Variants in ATP8A2 observed in about 807,000 individuals in gnomAD.
The protein encoded by ATP8A2 is ATPase phospholipid transporting 8A2, also known as phospholipid-transporting ATPase IB.
ATP8A2 carries 100 observed loss-of-function variants against 165.6 expected under a neutral mutation model. The observed-to-expected ratio is 0.60, with a 90% CI of 0.51 to 0.71. The LOEUF is 0.71. Ranked by LOEUF, ATP8A2 falls within the 30% of genes least tolerant of loss-of-function variation. The probability of loss-of-function intolerance (pLI) is 0.00; values close to 1 mark genes in which losing one functional copy is unlikely to be tolerated. For synonymous variants in ATP8A2, 543 were observed against 548.8 expected, an observed-to-expected ratio of 0.99 and a Z score of 0.15; for missense variants, 1,227 against 1,479.5, an observed-to-expected ratio of 0.83 and a Z score of 2.80.
chr13:25,514,282 A>G (rs1018481813), intron 2 of ATP8A2, among the ~76,000 whole-genome samples: 1 of 152,186 alleles, frequency 6.6e-6, no homozygotes, highest in African/African-American at 2.4e-5. Context: ...GGATATTAGA[A>G]TTAGCATTAC....
intron 2 of ATP8A2, among the ~76,000 whole-genome samples, chr13:25,513,248 G>T (rs1003847759): frequency 2.1e-4 from 32 of 151,934 alleles, no homozygotes; most frequent in Non-Finnish European, 4.0e-4. Context: ...AGACGGGGCG[G>T]CTGGGCAGAG....
chr13:25,707,406 A>G (rs1341631716), intron 25 of ATP8A2, among the ~76,000 whole-genome samples: 3 of 152,228 alleles, frequency 2.0e-5, no homozygotes, highest in South Asian at 2.1e-4. Context: ...AAAGTTATAT[A>G]TCATCACTAT....
At position 25,862,295 on chromosome 13, in the gene ATP8A2, C is replaced by G; in HGVS notation, c.3076-6C>G. The stretch of plus-strand genomic sequence containing the variant: ...AGCCTGTCTGAGTGTCTATTTCCCT[C>G]TGCAGTTCAGTCATCTGGCTGTCTG... On this transcript the variant is annotated splice_polypyrimidine_tract_variant and splice_region_variant and intron_variant, in intron 32 of 36. Coordinates refer to ENST00000381655, the MANE Select transcript of ATP8A2 (RefSeq NM_016529.6). 1 of 1,612,058 alleles carries G rather than the reference C, an allele frequency of 6.2e-7. No homozygotes were observed. The highest frequency in any genetic ancestry group is 1.3e-5 in the African/African-American group (1 of 74,998).
intron 6 of ATP8A2, 49 bp downstream of exon 6, chr13:25,533,362 G>T (rs527929841): frequency 9.7e-7 from 1 of 1,034,874 alleles, no homozygotes; most frequent in Admixed American, 1.9e-5. Flanking sequence ...TTGAAGACGC[G>T]TAATGAATTG....
At chr13:25,513,712 C>T (rs1242643413) in intron 2 of ATP8A2, among the ~76,000 whole-genome samples, 2 of 152,138 alleles carry the variant, frequency 1.3e-5, no homozygotes, top group Non-Finnish European at 2.9e-5. Context: ...CCCGGCACCT[C>T]GGGAGGCCGA....
chr13:25,864,473 T>C (rs547961793), intron 33 of ATP8A2, among the ~76,000 whole-genome samples: 1 of 152,310 alleles, frequency 6.6e-6, no homozygotes, highest in African/African-American at 2.4e-5. Context: ...ACATTTTCAC[T>C]GTACCAGTCA....
chr13:25,440,816 G>A (rs2034912640), intron 1 of ATP8A2, among the ~76,000 whole-genome samples: 1 of 152,118 alleles, frequency 6.6e-6, no homozygotes, highest in Admixed American at 6.6e-5. Context: ...AGCAAACACA[G>A]CCTAGATGAT....
At chr13:25,642,021 A>G (rs1339794746) in intron 24 of ATP8A2, among the ~76,000 whole-genome samples, 1 of 152,206 alleles carries the variant, frequency 6.6e-6, no homozygotes, top group African/African-American at 2.4e-5. Flanking sequence ...TATTTAATAA[A>G]TGGCGCTGGG....
chr13:25,658,911 T>C (rs779492748), intron 24 of ATP8A2, among the ~76,000 whole-genome samples: 2 of 152,236 alleles, frequency 1.3e-5, no homozygotes, highest in African/African-American at 4.8e-5. Flanking sequence ...TACTGTAGTC[T>C]GCTCCTGGTG....
intron 2 of ATP8A2, among the ~76,000 whole-genome samples, chr13:25,500,694 C>G (rs964272389): frequency 6.6e-6 from 1 of 152,102 alleles, no homozygotes; most frequent in South Asian, 2.1e-4. Context: ...ATCCTCCCAC[C>G]TCAGCCTCCT....
intron 24 of ATP8A2, among the ~76,000 whole-genome samples, chr13:25,660,031 G>A (rs1180190571): frequency 6.6e-6 from 1 of 152,202 alleles, no homozygotes; most frequent in Non-Finnish European, 1.5e-5. Context: ...ATAGTACACA[G>A]TAAGAAAGGA....
At chr13:25,513,508 A>G (rs550540702) in intron 2 of ATP8A2, among the ~76,000 whole-genome samples, 14 of 151,680 alleles carry the variant, frequency 9.2e-5, no homozygotes, top group Admixed American at 2.6e-4. Context: ...CTCACGTCCC[A>G]GAAGATGGGC....
Position 25,813,248 on chromosome 13 carries a change from A to G in ATP8A2, c.2680-14870A>G, listed in dbSNP as rs577877015. ...AAAAAAAAAAGAAAGTTGCCTAAGT[A>G]TACAGCTAAGAGTAGGAGAGCCAGG... On this transcript the variant is annotated intron_variant, in intron 27 of 36. Coordinates refer to ENST00000381655, the MANE Select transcript of ATP8A2 (RefSeq NM_016529.6). Among the ~76,000 whole-genome samples the G allele has an allele frequency of 4.6e-5, 7 of 152,268 alleles. No individual in the cohort carries two copies. The South Asian group carries it at 1.5e-3, about 32-fold the overall frequency.
chr13:25,899,819 C>CT (rs1420949099), intron 33 of ATP8A2, among the ~76,000 whole-genome samples: 1 of 152,182 alleles, frequency 6.6e-6, no homozygotes, highest in African/African-American at 2.4e-5. Flanking sequence ...CTTTGGAGAG[C>CT]TTTAATAGGA....
intron 24 of ATP8A2, among the ~76,000 whole-genome samples, chr13:25,697,966 G>A (rs1424285744): frequency 6.6e-6 from 1 of 152,184 alleles, no homozygotes; most frequent in Non-Finnish European, 1.5e-5. Context: ...AATAGTAGCT[G>A]ATCCTCAATT....
intron 21 of ATP8A2, 79 bp downstream of exon 21, chr13:25,578,978 A>T (rs1257405289): frequency 1.0e-6 from 1 of 962,974 alleles, no homozygotes; most frequent in South Asian, 1.3e-5. Flanking sequence ...CCAGGGGCAC[A>T]TTCTTCCAGT....
chr13:25,567,997 T>A (rs1214535501), intron 16 of ATP8A2, among the ~76,000 whole-genome samples: 1 of 152,228 alleles, frequency 6.6e-6, no homozygotes, highest in African/African-American at 2.4e-5. Flanking sequence ...TAAATTGTCT[T>A]GGGACTATTG....
chr13:25,968,664 A>G lies in ATP8A2; in HGVS notation c.3362A>G (p.Asp1121Gly). 3 of 1,613,428 alleles carry G rather than the reference A, an allele frequency of 1.9e-6. No homozygotes were observed. The highest frequency in any genetic ancestry group is 2.5e-6 in the Non-Finnish European group (3 of 1,179,848). Reference sequence around the variant, plus strand: ...GTCCTGGGAAAAGCGGTGCTGCGGGATAGCAATGGAAAGAGGTGGGGAACT... The same window carrying G: ...GTCCTGGGAAAAGCGGTGCTGCGGGGTAGCAATGGAAAGAGGTGGGGAACT... ...SRVLGKAVLR[D>G]SNGKRLNERD... Residue 1121 changes from aspartate (D) to glycine (G), a missense_variant, in exon 35 of 37, where the codon GAT becomes GGT. Asp to Gly is a moderately conservative substitution (Grantham distance 94, BLOSUM62 -1). Transcript: ENST00000381655.
At chr13:25,557,596 C>T (rs774048871) in intron 13 of ATP8A2, among the ~76,000 whole-genome samples, 1 of 152,088 alleles carries the variant, frequency 6.6e-6, no homozygotes, top group Non-Finnish European at 1.5e-5. Flanking sequence ...ATGTAGTGTC[C>T]ATTTCTCTCT....
Sources: allele counts gnomAD v4.1 joint callset (sites outside exome capture counted in the v4.1 genomes callset), GRCh38; gene constraint gnomAD v4.1.1; transcripts MANE v1.5; gene names NCBI Gene and HGNC (gene_info 2026-07-23, HGNC 2026-07-21).